Variants in KMT2A observed in about 807,000 individuals in gnomAD.
KMT2A encodes lysine methyltransferase 2A.
Under a neutral mutation model 345.3 loss-of-function variants are expected in KMT2A, and 16 were observed. The observed-to-expected ratio is 0.05, with a 90% confidence interval of 0.03 to 0.07. KMT2A has a LOEUF of 0.07. KMT2A is among the 10% of genes least tolerant of loss of function. The pLI is 1.00. For missense variants in KMT2A, 3,272 were observed against 4,841.6 expected, an observed-to-expected ratio of 0.68 and a Z score of 9.62; for synonymous variants, 1,599 against 1,778.6, an observed-to-expected ratio of 0.90 and a Z score of 2.54.
In KMT2A at chr11:118,525,921, C is replaced by T. The variant is rs1951072458; in HGVS notation, c.*3749C>T. 4.5e-6 allele frequency: 1 copy of T among 224,678 alleles called. No homozygotes were observed. The allele number at this position is 224,678 out of a possible 1,614,324, so 13.9% of individuals were successfully genotyped here. The stretch of plus-strand genomic sequence containing the variant: ...TTTGTGCCGAATCATGAATACTAGT[C>T]AAGTCACACACTCTGGAAACTTGCA... On this transcript the variant is annotated 3_prime_UTR_variant, in exon 36 of 36. Coordinates refer to ENST00000534358, the MANE Select transcript of KMT2A (RefSeq NM_001197104.2).
chr11:118,511,366 T>C (rs1950684896), intron 30 of KMT2A, among the ~76,000 whole-genome samples: 1 of 151,928 alleles, frequency 6.6e-6, no homozygotes, highest in Non-Finnish European at 1.5e-5. Flanking sequence ...AGATAATGCA[T>C]GGAGAACAAA....
Position 118,498,293 on chromosome 11 carries a change from G to GA in KMT2A, c.5803-76dup. 1 of 1,328,426 alleles carries GA rather than the reference G, an allele frequency of 7.5e-7. No homozygotes were observed. The highest frequency in any genetic ancestry group is 1.0e-6 in the Non-Finnish European group (1 of 963,650). 82.3% of individuals were successfully genotyped at this position (1,328,426 alleles called of 1,614,324 possible). On this transcript the variant is annotated intron_variant, in intron 21 of 35. Transcript: ENST00000534358. This position sits in a 1 kb window ranked among gnomAD's most constrained non-coding sequence, Gnocchi z 4.4. Reference sequence around the variant, plus strand: ...AATTGTAGGAACTGTAGAATGGGATGAGTCTATAGAGGAGACGGTAAACGT... The same window carrying GA: ...AATTGTAGGAACTGTAGAATGGGATGAAGTCTATAGAGGAGACGGTAAACGT...
rs1331699710 is a variant in KMT2A at position 118,498,820 on chromosome 11, C to T, written c.5961+292C>T. 1.3e-5 allele frequency among the ~76,000 whole-genome samples: 2 copies of T among 152,120 alleles called. No homozygotes were observed. Among genetic ancestry groups the T allele is most frequent in the Non-Finnish European group, 2.9e-5 (2 of 68,022 alleles). On this transcript the variant is annotated intron_variant, in intron 22 of 35. Transcript: ENST00000534358. The surrounding 1 kb of genome is among the most constrained non-coding windows in gnomAD (Gnocchi z 4.4). ...GGACAAATGTATAATGATGTATATC[C>T]ACCATTATACCATCATATGGAGTAT...
rs1951035992 is a variant in KMT2A, at chr11:118,524,362, C to T, written c.*2190C>T. ...CAAAGCAATACGACTCAGCCCAGCACTCTCTGCCCCAGGACTCATGGCTCT... is the reference window on the plus strand; with the variant it reads ...CAAAGCAATACGACTCAGCCCAGCATTCTCTGCCCCAGGACTCATGGCTCT... On this transcript the variant is annotated 3_prime_UTR_variant, in exon 36 of 36. Coordinates refer to ENST00000534358, the MANE Select transcript of KMT2A (RefSeq NM_001197104.2). 1 of 193,086 alleles carries T rather than the reference C, an allele frequency of 5.2e-6. No homozygotes were observed. The highest frequency in any genetic ancestry group is 6.1e-5 in the Admixed American group (1 of 16,328). 12.0% of individuals were successfully genotyped at this position (193,086 alleles called of 1,614,324 possible). A position where few individuals can be genotyped will look rare whatever the true frequency, so the allele number is the denominator to read the frequency against.
intron 31 of KMT2A, 140 bp downstream of exon 31, chr11:118,512,165 T>C: frequency 1.5e-6 from 1 of 663,952 alleles, no homozygotes; most frequent in Non-Finnish European, 2.6e-6. Context: ...TCATATACCA[T>C]ACAGTTCACC....
Position 118,484,523 on chromosome 11 carries a change from GAAA to G in KMT2A, c.4218+210_4218+212del, listed in dbSNP as rs1950196930. On this transcript the variant is annotated intron_variant, in intron 9 of 35. Transcript: ENST00000534358. The surrounding 1 kb of genome is among the most constrained non-coding windows in gnomAD (Gnocchi z 4.1). ...GAACTGACTGCAGAACATACATAAT[GAAA>G]CATTCCTATCCATCCTGAGCAGTAT... Among the ~76,000 whole-genome samples the G allele has an allele frequency of 2.6e-5, 4 of 152,266 alleles. No homozygotes were observed. In the East Asian group the frequency reaches 7.7e-4, roughly 29 times the overall value.
chr11:118,521,552 T>C lies in KMT2A; in HGVS notation c.11643+135T>C. The C allele has an allele frequency of 1.8e-6, 2 of 1,094,902 alleles. No homozygotes were observed. The highest frequency in any genetic ancestry group is 1.8e-5 in the South Asian group (1 of 55,256). The allele number at this position is 1,094,902 out of a possible 1,614,324, so 67.8% of individuals were successfully genotyped here. On this transcript the variant is annotated intron_variant, in intron 35 of 35. Coordinates refer to ENST00000534358, the MANE Select transcript of KMT2A (RefSeq NM_001197104.2). The surrounding 1 kb of genome is among the most constrained non-coding windows in gnomAD (Gnocchi z 5.3). ...TTCTTAAAAAAATAAACTCTGAAAT[T>C]TGTGAGGGGCCCAGTAAAAATACAG...
rs76167065 is a variant in KMT2A, at chr11:118,487,789, T to C, written c.4333-825T>C. On this transcript the variant is annotated intron_variant, in intron 10 of 35. Coordinates refer to ENST00000534358, the MANE Select transcript of KMT2A (RefSeq NM_001197104.2). ...TAGGCCTTATTTAGGTTTGACCAAT[T>C]GTCCCAATAATTCCTTTATGGCAAA... Among the ~76,000 whole-genome samples, 716 of 152,360 alleles carry C rather than the reference T, an allele frequency of 4.7e-3. 2 individuals are homozygous for C. The highest frequency in any genetic ancestry group is 0.016 in the African/African-American group (686 of 41,578).
rs782213495 is a variant in KMT2A at position 118,505,326 on chromosome 11, C to G, written c.9434C>G (p.Ser3145Cys). ...TTGLNPSLPT[S>C]QSLFPSASKG... ...GGACTAAATCCAAGCTTGCCAACTT[C>G]TCAATCTTTGTTCCCTTCTGCTAGC... The change falls in exon 27 of 36, where the codon TCT becomes TGT. Residue 3145 changes from serine to cysteine, a missense_variant. Physicochemically the swap from Ser to Cys is moderately radical, Grantham distance 112. This residue lies in a region of KMT2A where 748 missense variants were observed against 922.2 expected (regional missense o/e 0.81). Transcript: ENST00000534358. The surrounding 1 kb of genome is among the most constrained non-coding windows in gnomAD (Gnocchi z 4.6). 1.2e-6 allele frequency: 2 copies of G among 1,614,222 alleles called. No individual in the cohort carries two copies. The highest frequency in any genetic ancestry group is 8.5e-7 in the Non-Finnish European group (1 of 1,180,046).
intron 31 of KMT2A, among the ~76,000 whole-genome samples, chr11:118,518,575 G>GT (rs1443636654): frequency 1.3e-4 from 20 of 152,012 alleles, no homozygotes; most frequent in African/African-American, 4.8e-4. Flanking sequence ...GAGGTCAGGA[G>GT]TTTAAGACCA....
Position 118,471,879 on chromosome 11 carries a change from C to T in KMT2A, c.720C>T (p.Asp240=). Residue 240 remains aspartate (D), a synonymous_variant, in exon 3 of 36, where the codon GAC becomes GAT. Transcript: ENST00000534358. ...GVKIKITHGK[D]ISELPKGNKE... ...AAATCAAAATAACACATGGAAAGGA[C>T]ATTTCAGAGTTACCAAAGGGAAACA... The T allele has an allele frequency of 6.2e-7, 1 of 1,613,138 alleles. No individual in the cohort carries two copies. The highest frequency in any genetic ancestry group is 8.5e-7 in the Non-Finnish European group (1 of 1,179,698).
Position 118,472,878 on chromosome 11 carries a change from G to C in KMT2A, c.1719G>C (p.Gln573His). Residue 573 changes from glutamine (Q) to histidine (H), a missense_variant, in exon 3 of 36, where the codon CAG (glutamine) becomes CAC (histidine). Transcript: ENST00000534358. ...TGCTGACTCCACCGCCACCACTGCA[G>C]CCAGCCTCCAGTATCTCTGACCACA... ...PPLLTPPPPL[Q>H]PASSISDHTP... is the part of the protein sequence containing the mutation. 6.2e-7 allele frequency: 1 copy of C among 1,613,952 alleles called. No homozygotes were observed. The highest frequency in any genetic ancestry group is 1.1e-5 in the South Asian group (1 of 91,068).
chr11:118,523,343 G>A lies in KMT2A; in HGVS notation c.*1171G>A, dbSNP rs1951012939. On this transcript the variant is annotated 3_prime_UTR_variant, in exon 36 of 36. Transcript: ENST00000534358. ...ATCAGATTTCAAGGCCCACAACTTG[G>A]GGACTAGACCACCTTATGTTGAGGG... 4.4e-6 allele frequency: 1 copy of A among 228,916 alleles called. No individual in the cohort carries two copies. Among genetic ancestry groups the A allele is most frequent in the East Asian group, 6.3e-5 (1 of 15,988 alleles). 14.2% of individuals were successfully genotyped at this position (228,916 alleles called of 1,614,324 possible). A position where few individuals can be genotyped will look rare whatever the true frequency, so the allele number is the denominator to read the frequency against.
chr11:118,500,695 G>T (rs1950487202), intron 24 of KMT2A: 1 of 234,938 alleles, frequency 4.3e-6, no homozygotes, highest in African/African-American at 2.2e-5. Flanking sequence ...TTTTGTAATG[G>T]TTAATATTTT....
At chr11:118,447,392 A>G (rs1248730694) in intron 1 of KMT2A, among the ~76,000 whole-genome samples, 8 of 152,234 alleles carry the variant, frequency 5.3e-5, no homozygotes, top group African/African-American at 1.4e-4. Flanking sequence ...GACACATTAC[A>G]TAAACTAGGA....
chr11:118,469,883 A>C (rs776755606), intron 2 of KMT2A, among the ~76,000 whole-genome samples: 1 of 152,182 alleles, frequency 6.6e-6, no homozygotes, highest in Admixed American at 6.5e-5. Context: ...TTGTCATTCT[A>C]GTTGGGGGCA....
chr11:118,459,842 AC>A, intron 1 of KMT2A, among the ~76,000 whole-genome samples: 2 of 138,054 alleles, frequency 1.4e-5, no homozygotes, highest in Non-Finnish European at 3.0e-5. Flanking sequence ...GGGCACTACC[AC>A]GCCCGGCTAA....
chr11:118,491,868 G>A lies in KMT2A; in HGVS notation c.4944G>A (p.Lys1648=), dbSNP rs1950329476. The A allele has an allele frequency of 6.2e-7, 1 of 1,614,104 alleles. No individual in the cohort carries two copies. Among genetic ancestry groups the A allele is most frequent in the Non-Finnish European group, 8.5e-7 (1 of 1,180,030 alleles). Residue 1648 remains lysine (K), a synonymous_variant, in exon 15 of 36, where the codon AAG becomes AAA. Coordinates refer to ENST00000534358, the MANE Select transcript of KMT2A (RefSeq NM_001197104.2). The surrounding 1 kb of genome is among the most constrained non-coding windows in gnomAD (Gnocchi z 4.2). ...ALEKELQISL[K]QVLTALLNSR... ...AAAAAGAGCTGCAGATTTCTCTGAAGCAAGTTCTGACAGCTTTGTTGAATT... is the reference window on the plus strand; with the variant it reads ...AAAAAGAGCTGCAGATTTCTCTGAAACAAGTTCTGACAGCTTTGTTGAATT...
chr11:118,482,098 T>A lies in KMT2A; in HGVS notation c.4012+6T>A, dbSNP rs2134302068. The A allele has an allele frequency of 6.3e-7, 1 of 1,594,454 alleles. No homozygotes were observed. The highest frequency in any genetic ancestry group is 2.2e-5 in the East Asian group (1 of 44,730). On this transcript the variant is annotated splice_donor_region_variant and intron_variant, in intron 7 of 35. Transcript: ENST00000534358. ...GCCTCCACCACCAGAATCAGGTGAG[T>A]GAGGAGGGCAAGAAGGAATTGCTGA...
Sources: allele counts gnomAD v4.1 joint callset (sites outside exome capture counted in the v4.1 genomes callset), GRCh38; gene constraint gnomAD v4.1.1; regional missense constraint gnomAD v4.1.1; non-coding constraint Gnocchi (gnomAD v3.1); transcripts MANE v1.5; gene names NCBI Gene and HGNC (gene_info 2026-07-23, HGNC 2026-07-21).